Variants in STXBP3 observed in about 807,000 individuals in gnomAD.
The protein encoded by STXBP3 is syntaxin-binding protein 3.
Under a neutral mutation model 85.7 loss-of-function variants are expected in STXBP3, and 41 were observed. The ratio of observed to expected loss-of-function variants is 0.48; its 90% CI spans 0.37 to 0.62. STXBP3 has a LOEUF of 0.62. Among genes scored for constraint, STXBP3 ranks in the 20% least tolerant of loss-of-function variants. The pLI is 0.00. For synonymous variants in STXBP3, 229 were observed against 231.7 expected, an observed-to-expected ratio of 0.99 and a Z score of 0.10; for missense variants, 563 against 703.1, an observed-to-expected ratio of 0.80 and a Z score of 2.25.
chr1:108,754,730 T>G (rs998112567), intron 3 of STXBP3, among the ~76,000 whole-genome samples: 1 of 152,154 alleles, frequency 6.6e-6, no homozygotes, highest in African/African-American at 2.4e-5. Context: ...TTAAGAGTCT[T>G]TATATGCCAA....
At chr1:108,798,344 C>T in intron 16 of STXBP3, 107 bp downstream of exon 16, 3 of 668,630 alleles carry the variant, frequency 4.5e-6, no homozygotes, top group South Asian at 6.0e-5. Context: ...CAGGAAGTTT[C>T]TGCAGTGGTT....
Position 108,756,614 on chromosome 1 carries a change from T to TAA in STXBP3, c.182-75_182-74insAA, listed in dbSNP as rs1407021482. 22 of 757,740 alleles carry TAA rather than the reference T, an allele frequency of 2.9e-5. No individual in the cohort carries two copies. In the East Asian group the frequency reaches 4.8e-4, roughly 17 times the overall value. The allele number at this position is 757,740 out of a possible 1,614,324, so 46.9% of individuals were successfully genotyped here. ...TTTTCATATTATTATAAATGGAAAG[T>TAA]ACAGTAAAGTTTATTTAAAAATTAT... On this transcript the variant is annotated intron_variant, in intron 3 of 18. Transcript: ENST00000370008.
At chr1:108,752,336 A>G (rs755426238) in intron 2 of STXBP3, 30 bp downstream of exon 2, 29 of 1,599,604 alleles carry the variant, frequency 1.8e-5, no homozygotes, top group East Asian at 1.8e-4. Flanking sequence ...CTCTTATAAA[A>G]AATAATACAA....
At chr1:108,790,582 TAGTTAA>T (rs1253577811) in intron 11 of STXBP3, among the ~76,000 whole-genome samples, 1 of 152,044 alleles carries the variant, frequency 6.6e-6, no homozygotes, top group Non-Finnish European at 1.5e-5. Flanking sequence ...ATTATTGATA[TAGTTAA>T]ATTTATATCT....
At chr1:108,795,391 A>C (rs1663068000) in intron 13 of STXBP3, among the ~76,000 whole-genome samples, 1 of 151,868 alleles carries the variant, frequency 6.6e-6, no homozygotes, top group African/African-American at 2.4e-5. Context: ...AGTTGGGTGC[A>C]GTGGTGTGTG....
chr1:108,801,659 T>TTA (rs1283740980), intron 17 of STXBP3, among the ~76,000 whole-genome samples: 2 of 147,208 alleles, frequency 1.4e-5, no homozygotes, highest in East Asian at 3.9e-4. Context: ...TTTTTTTAAT[T>TTA]TTTTTTTTTT....
intron 16 of STXBP3, among the ~76,000 whole-genome samples, chr1:108,799,441 G>A (rs1663185546): frequency 6.6e-6 from 1 of 152,122 alleles, no homozygotes; most frequent in South Asian, 2.1e-4. Context: ...AGATTTGCAT[G>A]TTAAATTCAG....
chr1:108,757,934 G>T (rs943557159), intron 4 of STXBP3, among the ~76,000 whole-genome samples: 8 of 151,986 alleles, frequency 5.3e-5, no homozygotes, highest in Non-Finnish European at 1.0e-4. Context: ...TTTTCTAGGG[G>T]TTGTTAGTGA....
At chr1:108,787,324 C>T (rs1189734519) in intron 11 of STXBP3, among the ~76,000 whole-genome samples, 1 of 152,068 alleles carries the variant, frequency 6.6e-6, no homozygotes, top group Non-Finnish European at 1.5e-5. Flanking sequence ...TTAGTGTCTT[C>T]CTTTCTAAAT....
At chr1:108,803,163 A>G (rs1026846081) in intron 17 of STXBP3, among the ~76,000 whole-genome samples, 24 of 152,020 alleles carry the variant, frequency 1.6e-4, no homozygotes, top group Admixed American at 2.0e-4. Context: ...ATCTATTTTT[A>G]TTCTTGTAGC....
intron 6 of STXBP3, among the ~76,000 whole-genome samples, chr1:108,768,231 T>C (rs1163114890): frequency 6.6e-6 from 1 of 152,206 alleles, no homozygotes; most frequent in Admixed American, 6.5e-5. Flanking sequence ...ATACAAGGAA[T>C]GTATCCATCA....
chr1:108,800,133 A>G, intron 16 of STXBP3, 87 bp from the exon 17 acceptor site: 1 of 872,268 alleles, frequency 1.1e-6, no homozygotes. Context: ...AGGTTCCTCA[A>G]TTGCAAATGC....
chr1:108,779,574 A>G, intron 9 of STXBP3, 164 bp downstream of exon 9: 1 of 701,296 alleles, frequency 1.4e-6, no homozygotes, highest in African/African-American at 1.8e-5. Flanking sequence ...TTGACAGATA[A>G]TGTTGACCTT....
chr1:108,781,565 TA>T (rs1662715522), intron 9 of STXBP3: 1 of 152,234 alleles, frequency 6.6e-6, no homozygotes, highest in African/African-American at 2.4e-5. Flanking sequence ...TAATTTTTTT[TA>T]ATCTCATTTT....
chr1:108,803,830 G>A (rs958509549), intron 17 of STXBP3, among the ~76,000 whole-genome samples: 3 of 152,284 alleles, frequency 2.0e-5, no homozygotes, highest in African/African-American at 4.8e-5. Flanking sequence ...TCATTTGGTC[G>A]TTGTTCTTAG....
chr1:108,785,512 T>C (rs1662806284), intron 11 of STXBP3, among the ~76,000 whole-genome samples: 1 of 152,140 alleles, frequency 6.6e-6, no homozygotes, highest in South Asian at 2.1e-4. Context: ...CCTCTGGACC[T>C]GTGATGGGAG....
chr1:108,763,463 T>C (rs1662186316), intron 6 of STXBP3, among the ~76,000 whole-genome samples: 1 of 152,160 alleles, frequency 6.6e-6, no homozygotes, highest in South Asian at 2.1e-4. Context: ...AAGCAGATAT[T>C]TATGAAATGA....
chr1:108,765,345 C>T (rs991192615), intron 6 of STXBP3, among the ~76,000 whole-genome samples: 2 of 152,110 alleles, frequency 1.3e-5, no homozygotes, highest in Admixed American at 1.3e-4. Flanking sequence ...ATGGGTAGGC[C>T]CACGCCAAGG....
rs1175148814 is a variant in STXBP3 at position 108,766,982 on chromosome 1, T to A, written c.439-5683T>A. The A allele has an allele frequency of 2.1e-5, 11 of 517,222 alleles. No homozygotes were observed. The Admixed American group carries it at 2.2e-4, about 11-fold the overall frequency. The allele number at this position is 517,222 out of a possible 1,614,324, so 32.0% of individuals were successfully genotyped here. On this transcript the variant is annotated intron_variant, in intron 6 of 18. Coordinates refer to ENST00000370008, the MANE Select transcript of STXBP3 (RefSeq NM_007269.4). ...TGATCCATACTGTTGCTTTCAACCC[T>A]GCTTTGAGACCCCCTTGTGTGTCAC...
Sources: gnomAD v4.1 joint callset for allele counts (sites outside exome capture counted in the v4.1 genomes callset) on GRCh38, gnomAD v4.1.1 for gene constraint, MANE v1.5 for transcripts, NCBI Gene and HGNC (gene_info 2026-07-23, HGNC 2026-07-21) for gene names.